The following PLGRKT variants were observed in gnomAD, a reference collection of about 807,000 sequenced individuals.
The protein encoded by PLGRKT is plasminogen receptor with a C-terminal lysine.
Under a neutral mutation model 18.5 loss-of-function variants are expected in PLGRKT, and 22 were observed. The ratio of observed to expected loss-of-function variants is 1.19; its 90% CI spans 0.85 to 1.70. The LOEUF is 1.70. Ranked by LOEUF, PLGRKT falls within the 40% of genes most tolerant of loss-of-function variation. The probability of loss-of-function intolerance (pLI) is 0.00; values close to 1 mark genes in which losing one functional copy is unlikely to be tolerated. For missense variants in PLGRKT, 235 were observed against 174.4 expected, an observed-to-expected ratio of 1.35 and a Z score of -1.96; for synonymous variants, 72 against 52.8, an observed-to-expected ratio of 1.36 and a Z score of -1.58.
intron 3 of PLGRKT, among the ~76,000 whole-genome samples, chr9:5,415,800 T>C (rs944742924): frequency 3.9e-5 from 6 of 152,056 alleles, no homozygotes; most frequent in African/African-American, 1.4e-4. Context: ...GACCAGTATT[T>C]CTCAAAAGTA....
intron 3 of PLGRKT, among the ~76,000 whole-genome samples, chr9:5,397,678 C>G (rs1818079740): frequency 6.6e-6 from 1 of 150,520 alleles, no homozygotes; most frequent in Non-Finnish European, 1.5e-5. Flanking sequence ...TTGGAGGCAT[C>G]TGCCTAAACA....
chr9:5,379,500 A>ATG (rs571436859), intron 3 of PLGRKT, among the ~76,000 whole-genome samples: 83 of 151,188 alleles, frequency 5.5e-4, no homozygotes, highest in African/African-American at 1.5e-3. Context: ...GTGAGTGGAT[A>ATG]TGTGTGTGTG....
At chr9:5,395,859 T>C (rs1329841275) in intron 3 of PLGRKT, among the ~76,000 whole-genome samples, 4 of 150,464 alleles carry the variant, frequency 2.7e-5, no homozygotes, top group Admixed American at 2.6e-4. Flanking sequence ...CATTAAGAAA[T>C]GCATTAGGGT....
chr9:5,430,674 G>T (rs1818805383), intron 3 of PLGRKT, among the ~76,000 whole-genome samples: 1 of 152,188 alleles, frequency 6.6e-6, no homozygotes. Context: ...GTGGGACTGG[G>T]ATTCAAACTC....
intron 3 of PLGRKT, among the ~76,000 whole-genome samples, chr9:5,393,132 G>A (rs773271646): frequency 6.6e-5 from 10 of 151,692 alleles, no homozygotes; most frequent in African/African-American, 9.7e-5. Context: ...ATGAGCCACC[G>A]CACCCAGCCA....
At chr9:5,388,118 T>C (rs1453201872) in intron 3 of PLGRKT, among the ~76,000 whole-genome samples, 1 of 151,780 alleles carries the variant, frequency 6.6e-6, no homozygotes, top group Admixed American at 6.6e-5. Context: ...CTGGATGAAA[T>C]GCCCCAGGAA....
chr9:5,379,290 T>C (rs1431786501), intron 3 of PLGRKT, among the ~76,000 whole-genome samples: 2 of 152,202 alleles, frequency 1.3e-5, no homozygotes, highest in African/African-American at 4.8e-5. Context: ...CATTGTAAGA[T>C]TTCCTTGGAG....
rs1303101760 is a variant in PLGRKT, at chr9:5,400,730, T to C, written c.81+31167A>G. ...GAATAGTACAGAGGCTGGCATATTGTTATTGTTTAATAAGCATTGAATAAG... is the reference window on the plus strand; with the variant it reads ...GAATAGTACAGAGGCTGGCATATTGCTATTGTTTAATAAGCATTGAATAAG... On this transcript the variant is annotated intron_variant, in intron 3 of 5. Transcript: ENST00000223864. 2.6e-5 allele frequency among the ~76,000 whole-genome samples: 4 copies of C among 152,038 alleles called. No homozygotes were observed. In the South Asian group the frequency reaches 6.2e-4, roughly 24 times the overall value.
chr9:5,400,352 T>C (rs1462514003), intron 3 of PLGRKT, among the ~76,000 whole-genome samples: 3 of 151,920 alleles, frequency 2.0e-5, no homozygotes, highest in East Asian at 1.9e-4. Context: ...CATTTTACAT[T>C]ATAATTTGAC....
chr9:5,424,452 T>TA, intron 3 of PLGRKT, among the ~76,000 whole-genome samples: 1 of 108,740 alleles, frequency 9.2e-6, no homozygotes, highest in South Asian at 2.5e-4. Context: ...ATATTATATA[T>TA]TATAACATAA....
At chr9:5,419,933 G>A (rs1252668460) in intron 3 of PLGRKT, among the ~76,000 whole-genome samples, 1 of 152,204 alleles carries the variant, frequency 6.6e-6, no homozygotes, top group African/African-American at 2.4e-5. Flanking sequence ...AATGTTCACA[G>A]CAGCACTATA....
intron 3 of PLGRKT, among the ~76,000 whole-genome samples, chr9:5,430,571 C>T (rs1818803285): frequency 6.6e-6 from 1 of 152,218 alleles, no homozygotes; most frequent in South Asian, 2.1e-4. Flanking sequence ...TATATTTCAT[C>T]TTTAATCTTT....
At chr9:5,368,367 G>A (rs890239952) in intron 3 of PLGRKT, among the ~76,000 whole-genome samples, 4 of 152,172 alleles carry the variant, frequency 2.6e-5, no homozygotes, top group African/African-American at 9.7e-5. Flanking sequence ...GAAAGAAAAC[G>A]TGGTACATAT....
intron 3 of PLGRKT, among the ~76,000 whole-genome samples, chr9:5,402,163 A>G (rs77627286): frequency 0.013 from 1,905 of 152,034 alleles, 77 homozygotes; most frequent in African/African-American, 0.044. Flanking sequence ...TTAGAAAATC[A>G]TTTGTAACAA....
intron 3 of PLGRKT, among the ~76,000 whole-genome samples, chr9:5,384,426 T>C (rs1586715410): frequency 6.6e-6 from 1 of 152,190 alleles, no homozygotes; most frequent in African/African-American, 2.4e-5. Context: ...AAAAAGTCAG[T>C]AGTGCATGCT....
chr9:5,397,419 G>A (rs1818071383), intron 3 of PLGRKT, among the ~76,000 whole-genome samples: 1 of 151,836 alleles, frequency 6.6e-6, no homozygotes, highest in Admixed American at 6.6e-5. Flanking sequence ...AATACTGTAT[G>A]TCATTTCTAT....
intron 2 of PLGRKT, among the ~76,000 whole-genome samples, chr9:5,433,576 C>T (rs1479146631): frequency 2.1e-5 from 3 of 146,130 alleles, no homozygotes; most frequent in African/African-American, 7.7e-5. Context: ...CCGGCTGCCC[C>T]GTCTGGGAAG....
intron 3 of PLGRKT, among the ~76,000 whole-genome samples, chr9:5,405,096 G>A (rs997727569): frequency 6.6e-6 from 1 of 152,084 alleles, no homozygotes; most frequent in Non-Finnish European, 1.5e-5. Flanking sequence ...TCTTCAATGA[G>A]AACTACAAAC....
intron 3 of PLGRKT, among the ~76,000 whole-genome samples, chr9:5,430,709 T>C (rs532091216): frequency 6.6e-6 from 1 of 152,350 alleles, no homozygotes; most frequent in East Asian, 1.9e-4. Flanking sequence ...TAGTCTTCAT[T>C]TTTAACCACT....
Sources: gnomAD v4.1 joint callset for allele counts (sites outside exome capture counted in the v4.1 genomes callset) on GRCh38, gnomAD v4.1.1 for gene constraint, MANE v1.5 for transcripts, NCBI Gene and HGNC (gene_info 2026-07-23, HGNC 2026-07-21) for gene names.